The following WWOX variants were observed in gnomAD, a reference collection of about 807,000 sequenced individuals.
WWOX encodes WW domain-containing oxidoreductase.
Under a neutral mutation model 46.2 loss-of-function variants are expected in WWOX, and 69 were observed. The ratio of observed to expected loss-of-function variants is 1.49; its 90% CI spans 1.23 to 1.82. The LOEUF (loss-of-function observed/expected upper bound fraction) is 1.82. Ranked by LOEUF, WWOX falls within the 40% of genes most tolerant of loss-of-function variation. The probability of loss-of-function intolerance (pLI) is 0.00; values close to 1 mark genes in which losing one functional copy is unlikely to be tolerated. For missense variants in WWOX, 919 were observed against 542.6 expected (o/e 1.69, Z -6.89); for synonymous variants, 359 against 202.6 (o/e 1.77, Z -6.56).
chr16:79,130,218 T>C (rs983935736), intron 8 of WWOX, among the ~76,000 whole-genome samples: 1 of 152,252 alleles, frequency 6.6e-6, no homozygotes, highest in Admixed American at 6.5e-5. Context: ...TGCTCTTGTC[T>C]CTTCCTTCAG....
At chr16:79,084,966 C>T (rs921271061) in intron 8 of WWOX, among the ~76,000 whole-genome samples, 1 of 151,952 alleles carries the variant, frequency 6.6e-6, no homozygotes, top group African/African-American at 2.4e-5. Flanking sequence ...TTGTCTGTCT[C>T]CCAGGCTGGA....
intron 8 of WWOX, among the ~76,000 whole-genome samples, chr16:78,740,400 A>C (rs999365088): frequency 6.6e-6 from 1 of 152,146 alleles, no homozygotes; most frequent in Non-Finnish European, 1.5e-5. Flanking sequence ...CTCTGCTAAT[A>C]GGGTTGGCAG....
chr16:78,758,073 A>G lies in WWOX; in HGVS notation c.1056+325321A>G, dbSNP rs375336397. Reference sequence around the variant, plus strand: ...GCCCCTATTATTATTAATATTTAAAATATTGAAGATCTAATTAATGTTGAA... The same window carrying G: ...GCCCCTATTATTATTAATATTTAAAGTATTGAAGATCTAATTAATGTTGAA... On this transcript the variant is annotated intron_variant, in intron 8 of 8. Transcript: ENST00000566780. Among the ~76,000 whole-genome samples the G allele has an allele frequency of 2.2e-4, 33 of 152,292 alleles. 1 individual carries two copies. The East Asian group carries it at 5.2e-3, about 24-fold the overall frequency.
At chr16:79,168,246 G>C (rs2050632923) in intron 8 of WWOX, among the ~76,000 whole-genome samples, 1 of 152,150 alleles carries the variant, frequency 6.6e-6, no homozygotes, top group African/African-American at 2.4e-5. Context: ...TATATACTTA[G>C]GGGTGGAATT....
At chr16:78,903,289 T>G (rs778198211) in intron 8 of WWOX, among the ~76,000 whole-genome samples, 1 of 152,154 alleles carries the variant, frequency 6.6e-6, no homozygotes, top group Non-Finnish European at 1.5e-5. Context: ...GTTACAAATA[T>G]CACACTCCTA....
At chr16:78,824,843 A>G (rs531414620) in intron 8 of WWOX, among the ~76,000 whole-genome samples, 28 of 152,332 alleles carry the variant, frequency 1.8e-4, no homozygotes, top group Middle Eastern at 3.4e-3. Flanking sequence ...CACCCAAAGC[A>G]TATCAGGGTC....
chr16:78,748,694 A>T (rs187418900), intron 8 of WWOX, among the ~76,000 whole-genome samples: 2 of 152,344 alleles, frequency 1.3e-5, no homozygotes, highest in East Asian at 3.9e-4. Context: ...AGGTGCTGTC[A>T]GGGCCCGTGG....
At chr16:78,374,351 C>G (rs1295110835) in intron 5 of WWOX, among the ~76,000 whole-genome samples, 1 of 151,992 alleles carries the variant, frequency 6.6e-6, no homozygotes, top group Non-Finnish European at 1.5e-5. Flanking sequence ...CAGTGAAATC[C>G]TTCCCCCCAT....
intron 8 of WWOX, among the ~76,000 whole-genome samples, chr16:78,840,466 A>G (rs2052108373): frequency 2.0e-5 from 3 of 152,170 alleles, no homozygotes; most frequent in Admixed American, 2.0e-4. Context: ...GAGCGATGGC[A>G]TGGCATGATC....
Position 78,702,120 on chromosome 16 carries a change from A to ATATATATATATTTATTTATT in WWOX, c.1056+269371_1056+269372insATATATATTTATTTATTTAT, listed in dbSNP as rs1207718237. On this transcript the variant is annotated intron_variant, in intron 8 of 8. Coordinates refer to ENST00000566780, the MANE Select transcript of WWOX (RefSeq NM_016373.4). ...TAAAGTTATATATATATATATATATATATTTATTTATTTTCAAGACATGGT... is the reference window on the plus strand; with the variant it reads ...TAAAGTTATATATATATATATATATATATATATATATTTATTTATTTATTTATTTATTTTCAAGACATGGT... Among the ~76,000 whole-genome samples the ATATATATATATTTATTTATT allele has an allele frequency of 3.8e-5, 5 of 130,040 alleles. 2 individuals are homozygous for ATATATATATATTTATTTATT. Among genetic ancestry groups the ATATATATATATTTATTTATT allele is most frequent in the African/African-American group, 1.7e-4 (5 of 30,230 alleles). The allele number at this position is 130,040 out of a possible 152,430, so 85.3% of individuals were successfully genotyped here.
intron 8 of WWOX, among the ~76,000 whole-genome samples, chr16:78,625,371 A>T (rs116479790): frequency 0.02 from 3,065 of 152,256 alleles, 99 homozygotes; most frequent in African/African-American, 0.07. Context: ...TGGATCCCTG[A>T]AATTCACCCC....
intron 8 of WWOX, among the ~76,000 whole-genome samples, chr16:78,866,395 G>A (rs1301748531): frequency 1.3e-5 from 2 of 151,922 alleles, no homozygotes; most frequent in South Asian, 4.2e-4. Context: ...GAGAGCTGTA[G>A]CAAGGGAAGA....
chr16:78,864,993 C>G (rs532263764), intron 8 of WWOX, among the ~76,000 whole-genome samples: 26 of 151,732 alleles, frequency 1.7e-4, no homozygotes, highest in Middle Eastern at 3.4e-3. Context: ...GAACTCCTGA[C>G]CTCAAGTGAT....
At chr16:78,679,211 C>T (rs988584473) in intron 8 of WWOX, among the ~76,000 whole-genome samples, 1 of 152,132 alleles carries the variant, frequency 6.6e-6, no homozygotes, top group Non-Finnish European at 1.5e-5. Context: ...GCCCGAGATC[C>T]TAGAACCCGT....
chr16:78,927,751 T>C (rs1035624753), intron 8 of WWOX, among the ~76,000 whole-genome samples: 1 of 152,200 alleles, frequency 6.6e-6, no homozygotes, highest in Admixed American at 6.5e-5. Flanking sequence ...ATTTTTAGTT[T>C]CGTTTCATTG....
rs1328739740 is a variant in WWOX, at chr16:78,427,669, G to GT, written c.791+2615dup. The stretch of plus-strand genomic sequence containing the variant: ...TAGCACATGCCTGTAATCCTATCTA[G>GT]TAAGAGGCTGAGGTGGGAGGATGGC... On this transcript the variant is annotated intron_variant, in intron 7 of 8. Coordinates refer to ENST00000566780, the MANE Select transcript of WWOX (RefSeq NM_016373.4). Among the ~76,000 whole-genome samples the GT allele has an allele frequency of 5.3e-5, 8 of 152,212 alleles. 1 individual carries two copies. The highest frequency in any genetic ancestry group is 1.7e-4 in the African/African-American group (7 of 41,538).
chr16:78,591,623 G>T (rs943195574), intron 8 of WWOX, among the ~76,000 whole-genome samples: 16 of 152,188 alleles, frequency 1.1e-4, no homozygotes, highest in African/African-American at 3.9e-4. Flanking sequence ...CGAGTTGCTT[G>T]AGTTCTCTGA....
intron 8 of WWOX, among the ~76,000 whole-genome samples, chr16:78,447,737 C>T (rs770247818): frequency 2.0e-5 from 3 of 152,194 alleles, no homozygotes; most frequent in African/African-American, 4.8e-5. Flanking sequence ...TGGAGGGGTA[C>T]TGGAGGAAGG....
intron 8 of WWOX, among the ~76,000 whole-genome samples, chr16:78,817,479 T>C (rs952331988): frequency 6.6e-6 from 1 of 152,180 alleles, no homozygotes; most frequent in South Asian, 2.1e-4. Context: ...CTTCTCTGGA[T>C]GTGCATAAGG....
Sources: gnomAD v4.1 joint callset for allele counts (sites outside exome capture counted in the v4.1 genomes callset) on GRCh38, gnomAD v4.1.1 for gene constraint, MANE v1.5 for transcripts, NCBI Gene and HGNC (gene_info 2026-07-23, HGNC 2026-07-21) for gene names.